The following STK3 variants were observed in gnomAD, a reference collection of about 807,000 sequenced individuals.
The protein encoded by STK3 is serine/threonine-protein kinase 3.
A neutral mutation model predicts 58.0 loss-of-function variants in STK3; 41 were observed. That is an observed-to-expected ratio of 0.71 (90% CI 0.55 to 0.92). The LOEUF is 0.92. Among genes scored for constraint, STK3 ranks in the 40% least tolerant of loss-of-function variants. The pLI, the probability that STK3 is intolerant of heterozygous loss-of-function variation, is 0.00. For synonymous variants in STK3, 170 were observed against 191.0 expected, an observed-to-expected ratio of 0.89 and a Z score of 0.91; for missense variants, 479 against 602.7, an observed-to-expected ratio of 0.79 and a Z score of 2.15.
At chr8:98,901,467 G>C (rs1340529859) in intron 1 of STK3, among the ~76,000 whole-genome samples, 1 of 152,242 alleles carries the variant, frequency 6.6e-6, no homozygotes, top group African/African-American at 2.4e-5. Context: ...TGAAAGGGGA[G>C]AGAAAAAGAA....
chr8:98,445,342 G>A (rs1818893247), intron 1 of STK3, among the ~76,000 whole-genome samples: 1 of 152,058 alleles, frequency 6.6e-6, no homozygotes, highest in South Asian at 2.1e-4. Flanking sequence ...AACTACAAAT[G>A]TGAGCTACAT....
chr8:98,700,529 A>G (rs1036562331), intron 6 of STK3, among the ~76,000 whole-genome samples: 8 of 151,762 alleles, frequency 5.3e-5, no homozygotes, highest in Admixed American at 2.0e-4. Context: ...AATAAAATCA[A>G]TAATTCTTAA....
At chr8:98,352,707 T>C in the STK3 span, among the ~76,000 whole-genome samples, 1 of 152,206 alleles carries the variant, frequency 6.6e-6, no homozygotes, top group East Asian at 1.9e-4. Context: ...CAGAATGTTT[T>C]CTCATCCCTA....
intron 8 of STK3, among the ~76,000 whole-genome samples, chr8:98,564,623 T>C (rs1812326661): frequency 1.3e-5 from 2 of 152,190 alleles, no homozygotes; most frequent in Admixed American, 6.6e-5. Flanking sequence ...AGATTTTGAA[T>C]GTTCTTACCA....
chr8:98,816,551 G>C (rs1365073035), intron 1 of STK3, among the ~76,000 whole-genome samples: 1 of 151,728 alleles, frequency 6.6e-6, no homozygotes, highest in African/African-American at 2.4e-5. Context: ...ACACAACCTA[G>C]AGACAGTGTT....
intron 7 of STK3, among the ~76,000 whole-genome samples, chr8:98,593,621 T>C (rs1815528653): frequency 6.6e-6 from 1 of 152,156 alleles, no homozygotes; most frequent in Admixed American, 6.5e-5. Flanking sequence ...CCTGCACATG[T>C]GAGGGATCCA....
Position 98,902,163 on chromosome 8 carries a change from T to C in STK3, c.-78-18329A>G, listed in dbSNP as rs569594963. ...ATTTCTCCTCTACTTGACCTCTAAA[T>C]GTCAGAGCTCCTTACGGGATGGCTT... On this transcript the variant is annotated intron_variant, in intron 1 of 1. Transcript: ENST00000519420. Among the ~76,000 whole-genome samples the C allele has an allele frequency of 7.2e-5, 11 of 152,288 alleles. No homozygotes were observed. The East Asian group carries it at 1.9e-3, about 27-fold the overall frequency.
intron 1 of STK3, among the ~76,000 whole-genome samples, chr8:98,447,604 G>T (rs1349244624): frequency 1.4e-5 from 2 of 142,712 alleles, no homozygotes; most frequent in African/African-American, 5.2e-5. Flanking sequence ...TCTATATATT[G>T]CAATACTATA....
chr8:98,905,170 A>G (rs1587828766), intron 1 of STK3: 1 of 1,209,526 alleles, frequency 8.3e-7, no homozygotes, highest in South Asian at 1.2e-5. Flanking sequence ...TCTTTCTTAC[A>G]CTGATAGCAG....
chr8:98,771,528 C>T (rs1452305089), intron 2 of STK3, among the ~76,000 whole-genome samples: 3 of 151,872 alleles, frequency 2.0e-5, no homozygotes, highest in Non-Finnish European at 4.4e-5. Context: ...AATTATTTTA[C>T]TGATCTCTTC....
chr8:98,397,528 C>T (rs1368657821), downstream of STK3, among the ~76,000 whole-genome samples: 3 of 151,860 alleles, frequency 2.0e-5, no homozygotes, highest in Non-Finnish European at 4.4e-5. Flanking sequence ...AGAGTGAGAC[C>T]TTGTCTCAAA....
At chr8:98,532,279 C>A (rs937635117) in intron 9 of STK3, among the ~76,000 whole-genome samples, 5 of 152,100 alleles carry the variant, frequency 3.3e-5, no homozygotes, top group African/African-American at 1.2e-4. Flanking sequence ...GGCCTAATTT[C>A]AATATTGTGA....
At chr8:98,875,994 C>G (rs554948745) in intron 3 of STK3, among the ~76,000 whole-genome samples, 1 of 152,090 alleles carries the variant, frequency 6.6e-6, no homozygotes, top group Non-Finnish European at 1.5e-5. Flanking sequence ...GGCAAAGGAC[C>G]CTATTCTCTC....
At chr8:98,365,522 C>T in the STK3 span, among the ~76,000 whole-genome samples, 2 of 152,286 alleles carry the variant, frequency 1.3e-5, no homozygotes, top group Admixed American at 1.3e-4. Flanking sequence ...AGCCATGTGC[C>T]TGCCACCACA....
At chr8:98,456,651 CA>C (rs1243314015) in intron 10 of STK3, among the ~76,000 whole-genome samples, 2 of 152,044 alleles carry the variant, frequency 1.3e-5, no homozygotes, top group African/African-American at 4.8e-5. Context: ...TTTTTTGACA[CA>C]AGGTCTCAAA....
At chr8:98,617,629 A>G (rs1587035563) in intron 6 of STK3, among the ~76,000 whole-genome samples, 1 of 152,076 alleles carries the variant, frequency 6.6e-6, no homozygotes, top group South Asian at 2.1e-4. Flanking sequence ...GATAAAGGGG[A>G]TATCACCACC....
chr8:98,358,120 C>T, the STK3 span, among the ~76,000 whole-genome samples: 1 of 152,184 alleles, frequency 6.6e-6, no homozygotes, highest in East Asian at 1.9e-4. Context: ...TTTCGCCTCA[C>T]ACAAGAATTT....
downstream of STK3, chr8:98,881,788 A>G (rs1433559024): frequency 5.3e-5 from 8 of 152,328 alleles, no homozygotes; most frequent in African/African-American, 1.9e-4. Context: ...AAGTGTATGC[A>G]TTGCTAAAAA....
chr8:98,452,757 A>ATTT, downstream of STK3, among the ~76,000 whole-genome samples: 1 of 110,468 alleles, frequency 9.1e-6, no homozygotes, highest in Non-Finnish European at 1.9e-5. Context: ...AGACTTGAAG[A>ATTT]TTTTTTTTTT....
Sources: allele counts gnomAD v4.1 joint callset (sites outside exome capture counted in the v4.1 genomes callset), GRCh38; gene constraint gnomAD v4.1.1; transcripts MANE v1.5; gene names NCBI Gene and HGNC (gene_info 2026-07-23, HGNC 2026-07-21).